The following MSI2 variants were observed in gnomAD, a reference collection of about 807,000 sequenced individuals.
The protein encoded by MSI2 is musashi RNA binding protein 2, also known as RNA-binding protein Musashi homolog 2.
A neutral mutation model predicts 45.6 loss-of-function variants in MSI2; 17 were observed. The ratio of observed to expected loss-of-function variants is 0.37; its 90% CI spans 0.26 to 0.56. The LOEUF (loss-of-function observed/expected upper bound fraction) is 0.56, where lower values mean the gene tolerates loss of function less well. Among genes scored for constraint, MSI2 ranks in the 20% least tolerant of loss-of-function variants. The pLI is 0.77. For missense variants in MSI2, 293 were observed against 444.2 expected (o/e 0.66, Z 3.06); for synonymous variants, 156 against 158.2 (o/e 0.99, Z 0.11).
intron 11 of MSI2, among the ~76,000 whole-genome samples, chr17:57,663,085 A>C (rs1297737408): frequency 6.6e-6 from 1 of 152,154 alleles, no homozygotes; most frequent in Admixed American, 6.5e-5. Context: ...CCGCTTCTGG[A>C]AGGTCGCTGG....
chr17:57,699,044 A>T, the MSI2 span, among the ~76,000 whole-genome samples: 1,276 of 8,364 alleles, frequency 0.15, 258 homozygotes, highest in East Asian at 0.26. Context: ...AGAGAGAGAG[A>T]GTGTGTGTGT....
intron 7 of MSI2, among the ~76,000 whole-genome samples, chr17:57,575,808 G>A (rs2088023883): frequency 6.6e-6 from 1 of 152,098 alleles, no homozygotes; most frequent in East Asian, 1.9e-4. Flanking sequence ...AGCCGGGCCT[G>A]GTGGCAGGCG....
intron 12 of MSI2, among the ~76,000 whole-genome samples, chr17:57,676,530 G>T (rs1913246496): frequency 6.6e-6 from 1 of 152,224 alleles, no homozygotes; most frequent in African/African-American, 2.4e-5. Flanking sequence ...GACCCAATTT[G>T]TTCTTGAAAA....
intron 5 of MSI2, among the ~76,000 whole-genome samples, chr17:57,284,619 A>T (rs536290331): frequency 1.5e-4 from 23 of 152,370 alleles, no homozygotes; most frequent in African/African-American, 5.5e-4. Flanking sequence ...TTTTTAAAAA[A>T]GTATTTCATT....
chr17:57,563,098 C>CAAAAAA (rs59975200), intron 7 of MSI2, among the ~76,000 whole-genome samples: 10 of 71,262 alleles, frequency 1.4e-4, no homozygotes, highest in African/African-American at 2.9e-4. Flanking sequence ...ACTTCGTCTC[C>CAAAAAA]AAAAAAAAAA....
chr17:57,641,570 G>A (rs1910267800), intron 10 of MSI2, among the ~76,000 whole-genome samples: 1 of 152,160 alleles, frequency 6.6e-6, no homozygotes, highest in Admixed American at 6.5e-5. Flanking sequence ...TCGGAACAGG[G>A]AACTCTGGAA....
chr17:57,515,661 A>T lies in MSI2; in HGVS notation c.406-14015A>T, dbSNP rs118056076. On this transcript the variant is annotated intron_variant, in intron 6 of 13. Coordinates refer to ENST00000284073, the MANE Select transcript of MSI2 (RefSeq NM_138962.4). ...TCCTGAGGACTAGGGAGAGGAAGCG[A>T]TGGGGGAGTGTGGACCACCAATTCA... Among the ~76,000 whole-genome samples the T allele has an allele frequency of 9.7e-3, 1,484 of 152,310 alleles. 15 individuals carry two copies. Among genetic ancestry groups the T allele is most frequent in the Non-Finnish European group, 0.015 (1,019 of 68,024 alleles).
chr17:57,627,161 G>T lies in MSI2; in HGVS notation c.653-68G>T. The T allele has an allele frequency of 7.2e-7, 1 of 1,392,610 alleles. No homozygotes were observed. Among genetic ancestry groups the T allele is most frequent in the South Asian group, 1.2e-5 (1 of 86,258 alleles). 86.3% of individuals were successfully genotyped at this position (1,392,610 alleles called of 1,614,324 possible). A position where few individuals can be genotyped will look rare whatever the true frequency, so the allele number is the denominator to read the frequency against. ...CAGGCTTTCCTCATTGCCACCCTCC[G>T]TGAGATTTTACCCCAGACCTGAGGC... is the stretch of plus-strand genomic sequence containing the variant. On this transcript the variant is annotated intron_variant, in intron 9 of 13. Transcript: ENST00000284073. The surrounding 1 kb of genome is among the most constrained non-coding windows in gnomAD (Gnocchi z 4.6).
chr17:57,480,653 C>T (rs1333581675), intron 6 of MSI2, among the ~76,000 whole-genome samples: 3 of 152,134 alleles, frequency 2.0e-5, no homozygotes, highest in Non-Finnish European at 4.4e-5. Context: ...GCCGCAGAGA[C>T]GAGGCACTAT....
At chr17:57,303,305 A>G (rs1204603728) in intron 5 of MSI2, among the ~76,000 whole-genome samples, 1 of 152,240 alleles carries the variant, frequency 6.6e-6, no homozygotes, top group African/African-American at 2.4e-5. Context: ...AAGTTATGTT[A>G]CGAAAGAATG....
chr17:57,587,778 TTAAAC>T (rs1331617248), intron 7 of MSI2, among the ~76,000 whole-genome samples: 1 of 152,140 alleles, frequency 6.6e-6, no homozygotes, highest in Non-Finnish European at 1.5e-5. Context: ...AGAAAATAAA[TTAAAC>T]TAAGTGTCAA....
At chr17:57,633,096 A>G in intron 10 of MSI2, 2 of 1,032,630 alleles carry the variant, frequency 1.9e-6, no homozygotes, top group Non-Finnish European at 2.3e-6. Flanking sequence ...ATCTCTGTAA[A>G]TAGTTCATCT....
chr17:57,651,217 T>C (rs1911120241), intron 10 of MSI2, among the ~76,000 whole-genome samples: 1 of 152,194 alleles, frequency 6.6e-6, no homozygotes, highest in Non-Finnish European at 1.5e-5. Context: ...CTGACTATTA[T>C]TCCCGTTGCT....
intron 5 of MSI2, among the ~76,000 whole-genome samples, chr17:57,315,909 G>A (rs974144346): frequency 2.0e-5 from 3 of 152,112 alleles, no homozygotes; most frequent in African/African-American, 4.8e-5. Context: ...TTGCTGTGGC[G>A]GAGGGTGTAC....
At chr17:57,418,674 A>C (rs12452547) in intron 6 of MSI2, among the ~76,000 whole-genome samples, 33,864 of 152,172 alleles carry the variant, frequency 0.22, 3,895 homozygotes, top group East Asian at 0.28. Context: ...TGCAACACTT[A>C]TCTGGCCACA....
chr17:57,330,493 C>T (rs191468168), intron 5 of MSI2, among the ~76,000 whole-genome samples: 47 of 151,910 alleles, frequency 3.1e-4, no homozygotes, highest in Non-Finnish European at 5.9e-4. Flanking sequence ...TGTCCAGGCT[C>T]GTCTTGAACT....
intron 7 of MSI2, among the ~76,000 whole-genome samples, chr17:57,584,565 A>G (rs143037426): frequency 1.3e-5 from 2 of 152,260 alleles, no homozygotes; most frequent in East Asian, 3.9e-4. Context: ...AATAAAAGTC[A>G]TATAATTTGT....
At chr17:57,528,731 T>A (rs958684275) in intron 6 of MSI2, among the ~76,000 whole-genome samples, 1 of 152,176 alleles carries the variant, frequency 6.6e-6, no homozygotes, top group Admixed American at 6.5e-5. Context: ...TCTCTTCTGA[T>A]AAGGACACCA....
At chr17:57,310,700 T>G (rs981168873) in intron 5 of MSI2, among the ~76,000 whole-genome samples, 2 of 152,164 alleles carry the variant, frequency 1.3e-5, no homozygotes, top group South Asian at 4.1e-4. Context: ...GCACTTTGGT[T>G]CTTCATTGGG....
Sources: allele counts gnomAD v4.1 joint callset (sites outside exome capture counted in the v4.1 genomes callset), GRCh38; gene constraint gnomAD v4.1.1; non-coding constraint Gnocchi (gnomAD v3.1); transcripts MANE v1.5; gene names NCBI Gene and HGNC (gene_info 2026-07-23, HGNC 2026-07-21).